LRRC28: variants seen among roughly 807,000 people sequenced by gnomAD.
LRRC28 encodes leucine-rich repeat-containing protein 28.
LRRC28 carries 39 observed loss-of-function variants against 45.7 expected under a neutral mutation model. That is an observed-to-expected ratio of 0.85 (90% CI 0.66 to 1.12). The LOEUF is 1.12. Among genes scored for constraint, LRRC28 ranks in the 50% most tolerant of loss-of-function variants. LRRC28 has a pLI of 0.00. For synonymous variants in LRRC28, 206 were observed against 178.8 expected, an observed-to-expected ratio of 1.15 and a Z score of -1.22; for missense variants, 435 against 438.5, an observed-to-expected ratio of 0.99 and a Z score of 0.07.
intron 9 of LRRC28, among the ~76,000 whole-genome samples, chr15:99,382,671 A>G (rs1567715645): frequency 6.6e-6 from 1 of 152,038 alleles, no homozygotes; most frequent in Non-Finnish European, 1.5e-5. Flanking sequence ...TTCTCATTTA[A>G]GTGTTCCTAC....
chr15:99,356,367 A>G (rs1957047228), intron 7 of LRRC28, among the ~76,000 whole-genome samples: 1 of 152,222 alleles, frequency 6.6e-6, no homozygotes, highest in Non-Finnish European at 1.5e-5. Flanking sequence ...GACTAAAAAA[A>G]AGGAAATTCT....
At chr15:99,266,749 TTAAAA>T (rs2081343015) in intron 2 of LRRC28, among the ~76,000 whole-genome samples, 1 of 152,246 alleles carries the variant, frequency 6.6e-6, no homozygotes. Context: ...AATGGATTTG[TTAAAA>T]TATGATAGCA....
chr15:99,304,014 A>G (rs951186393), intron 5 of LRRC28, among the ~76,000 whole-genome samples: 4 of 152,228 alleles, frequency 2.6e-5, no homozygotes, highest in Non-Finnish European at 5.9e-5. Flanking sequence ...TCAGAGACTC[A>G]GTATCAGATA....
intron 5 of LRRC28, among the ~76,000 whole-genome samples, chr15:99,291,675 A>G (rs2082126075): frequency 6.6e-6 from 1 of 152,166 alleles, no homozygotes. Context: ...ACATTTTACC[A>G]TGTTTCTTTG....
intron 7 of LRRC28, among the ~76,000 whole-genome samples, chr15:99,357,304 G>A (rs1452278958): frequency 6.6e-6 from 1 of 152,106 alleles, no homozygotes; most frequent in African/African-American, 2.4e-5. Flanking sequence ...CCTCACAAAT[G>A]TATATGCTCA....
chr15:99,364,913 A>G (rs752474454), intron 9 of LRRC28, among the ~76,000 whole-genome samples: 3 of 152,184 alleles, frequency 2.0e-5, no homozygotes, highest in Non-Finnish European at 2.9e-5. Context: ...TTAGCAAGAT[A>G]TCATCACAGG....
intron 5 of LRRC28, among the ~76,000 whole-genome samples, chr15:99,327,060 C>T (rs1178335599): frequency 1.3e-5 from 2 of 151,990 alleles, no homozygotes; most frequent in Non-Finnish European, 2.9e-5. Flanking sequence ...TTTAAAATTA[C>T]GAATTCAGTT....
At chr15:99,376,106 T>G (rs2152337314) in intron 9 of LRRC28, among the ~76,000 whole-genome samples, 1 of 152,264 alleles carries the variant, frequency 6.6e-6, no homozygotes, top group East Asian at 1.9e-4. Context: ...TAAATTTCCC[T>G]CAGCACTACT....
chr15:99,358,844 G>A (rs1165622340), intron 7 of LRRC28, among the ~76,000 whole-genome samples: 7 of 152,090 alleles, frequency 4.6e-5, no homozygotes, highest in Admixed American at 6.5e-5. Flanking sequence ...TTGGGAAGCC[G>A]AGGCGGGCCA....
rs563955809 is a variant in LRRC28 at position 99,376,581 on chromosome 15, A to G, written c.1032-9449A>G. Reference sequence around the variant, plus strand: ...GTAAGTTCTAGGGTACATGTGCACAACGTGCAGGTTTGTTACATATGTATA... The same window carrying G: ...GTAAGTTCTAGGGTACATGTGCACAGCGTGCAGGTTTGTTACATATGTATA... On this transcript the variant is annotated intron_variant, in intron 9 of 9. Transcript: ENST00000301981. Among the ~76,000 whole-genome samples the G allele has an allele frequency of 1.3e-4, 20 of 152,298 alleles. 1 individual carries two copies. The South Asian group carries it at 4.1e-3, about 32-fold the overall frequency.
chr15:99,373,180 T>G (rs1957532457), intron 9 of LRRC28, among the ~76,000 whole-genome samples: 2 of 152,294 alleles, frequency 1.3e-5, no homozygotes, highest in Non-Finnish European at 2.9e-5. Context: ...AATGTATCCC[T>G]TGTATGAATG....
chr15:99,318,399 G>A (rs28707454), intron 5 of LRRC28, among the ~76,000 whole-genome samples: 1,523 of 152,144 alleles, frequency 0.01, 15 homozygotes, highest in African/African-American at 0.034. Flanking sequence ...GAATCCCAAT[G>A]TGTGTGAGGA....
chr15:99,258,618 G>A (rs2081098640), intron 2 of LRRC28: 14 of 756,044 alleles, frequency 1.9e-5, no homozygotes, highest in Non-Finnish European at 3.3e-5. Flanking sequence ...CTGTGAATGG[G>A]AACTTATGAA....
At chr15:99,253,664 A>G (rs1244093877) in intron 1 of LRRC28, among the ~76,000 whole-genome samples, 1 of 152,194 alleles carries the variant, frequency 6.6e-6, no homozygotes. Flanking sequence ...ATTTAGTAAG[A>G]TGTGTACCGA....
intron 2 of LRRC28, chr15:99,259,012 TA>T: frequency 1.3e-6 from 1 of 793,636 alleles, no homozygotes; most frequent in Non-Finnish European, 2.3e-6. Flanking sequence ...AACTTGTTCA[TA>T]AAACTCTGGA....
chr15:99,352,575 T>TAA, intron 7 of LRRC28, 104 bp downstream of exon 7: 1 of 846,492 alleles, frequency 1.2e-6, no homozygotes, highest in Non-Finnish European at 1.9e-6. Context: ...CCAGGTATCC[T>TAA]TAGAAACTAA....
intron 9 of LRRC28, among the ~76,000 whole-genome samples, chr15:99,366,503 T>C (rs2152330064): frequency 6.6e-6 from 1 of 152,254 alleles, no homozygotes. Context: ...GAAATTATTT[T>C]CCCATAGTTC....
intron 9 of LRRC28, among the ~76,000 whole-genome samples, chr15:99,378,226 T>C (rs1162737215): frequency 6.6e-6 from 1 of 152,218 alleles, no homozygotes; most frequent in Non-Finnish European, 1.5e-5. Flanking sequence ...CGTTGAGCAG[T>C]GGTTTGTAGT....
chr15:99,260,561 G>A lies in LRRC28; in HGVS notation c.168+4436G>A, dbSNP rs2081167651. ...AAGGCTGTACAGATATGAGGGGATG[G>A]TGGGAATAGTAGCTGTCATCCAAAG... On this transcript the variant is annotated intron_variant, in intron 2 of 9. Transcript: ENST00000301981. Among the ~76,000 whole-genome samples the A allele has an allele frequency of 2.0e-5, 3 of 152,192 alleles. No individual in the cohort carries two copies. The South Asian group carries it at 6.2e-4, about 32-fold the overall frequency.
Sources: gnomAD v4.1 joint callset for allele counts (sites outside exome capture counted in the v4.1 genomes callset) on GRCh38, gnomAD v4.1.1 for gene constraint, MANE v1.5 for transcripts, NCBI Gene and HGNC (gene_info 2026-07-23, HGNC 2026-07-21) for gene names.